Variants in LIFR observed in about 807,000 individuals in gnomAD.
LIFR encodes the protein LIF receptor subunit alpha.
Under a neutral mutation model 122.2 loss-of-function variants are expected in LIFR, and 84 were observed. The ratio of observed to expected loss-of-function variants is 0.69; its 90% CI spans 0.58 to 0.82. LIFR has a LOEUF of 0.82. Ranked by LOEUF, LIFR falls within the 40% of genes least tolerant of loss-of-function variation. The pLI, the probability that LIFR is intolerant of heterozygous loss-of-function variation, is 0.00. For synonymous variants in LIFR, 422 were observed against 434.7 expected (o/e 0.97, Z 0.36); for missense variants, 1,294 against 1,311.6 (o/e 0.99, Z 0.21).
At chr5:38,544,569 T>G (rs1747770596) in intron 1 of LIFR, among the ~76,000 whole-genome samples, 1 of 152,174 alleles carries the variant, frequency 6.6e-6, no homozygotes, top group Non-Finnish European at 1.5e-5. Context: ...ATTCCCTGCT[T>G]GCCTCCCTCC....
At chr5:38,532,113 A>T (rs1451477950) in intron 1 of LIFR, among the ~76,000 whole-genome samples, 1 of 152,226 alleles carries the variant, frequency 6.6e-6, no homozygotes, top group Non-Finnish European at 1.5e-5. Flanking sequence ...TGACTAAAAT[A>T]ATCATAAACC....
chr5:38,520,329 T>A (rs1206168077), intron 5 of LIFR, among the ~76,000 whole-genome samples: 1 of 152,186 alleles, frequency 6.6e-6, no homozygotes, highest in African/African-American at 2.4e-5. Context: ...TTTTTAATTG[T>A]TGAGTTGTTT....
chr5:38,481,475 G>A lies in LIFR; in HGVS notation c.*120C>T. The A allele has an allele frequency of 9.1e-7, 1 of 1,093,348 alleles. No homozygotes were observed. The highest frequency in any genetic ancestry group is 1.4e-6 in the Non-Finnish European group (1 of 709,408). 67.7% of individuals were successfully genotyped at this position (1,093,348 alleles called of 1,614,324 possible). A position where few individuals can be genotyped will look rare whatever the true frequency, so the allele number is the denominator to read the frequency against. On this transcript the variant is annotated 3_prime_UTR_variant, in exon 20 of 20. Transcript: ENST00000453190. Reference sequence around the variant, plus strand: ...CACTTTCAGTGTAACTTAACATGTAGTGAAGTTCACCTCCTAACAATACTT... The same window carrying A: ...CACTTTCAGTGTAACTTAACATGTAATGAAGTTCACCTCCTAACAATACTT...
chr5:38,590,941 A>G (rs1373216484), intron 1 of LIFR, among the ~76,000 whole-genome samples: 1 of 152,214 alleles, frequency 6.6e-6, no homozygotes, highest in East Asian at 1.9e-4. Flanking sequence ...AATGTTGAGA[A>G]AAAGTTGACA....
rs368886180 is a variant in LIFR at position 38,492,420 on chromosome 5, C to G, written c.2065+1186G>C. On this transcript the variant is annotated intron_variant, in intron 14 of 19. Transcript: ENST00000453190. Reference sequence around the variant, plus strand: ...TTCTAAAAGCTCAGGTGAGAAAGGACAGACTGGAATCGTGTAAGGCTCATT... The same window carrying G: ...TTCTAAAAGCTCAGGTGAGAAAGGAGAGACTGGAATCGTGTAAGGCTCATT... 1.2e-4 allele frequency among the ~76,000 whole-genome samples: 19 copies of G among 152,208 alleles called. No homozygotes were observed. The South Asian group carries it at 4.0e-3, about 32-fold the overall frequency.
At chr5:38,575,639 A>C (rs2112725901) in intron 1 of LIFR, among the ~76,000 whole-genome samples, 1 of 152,312 alleles carries the variant, frequency 6.6e-6, no homozygotes, top group African/African-American at 2.4e-5. Flanking sequence ...GGCTGTGCTG[A>C]GTCCATGGGC....
intron 14 of LIFR, among the ~76,000 whole-genome samples, chr5:38,493,073 G>A (rs758931915): frequency 2.0e-5 from 3 of 152,120 alleles, no homozygotes; most frequent in Admixed American, 6.5e-5. Context: ...CAGTCCAGCC[G>A]ATGCCCCCTT....
chr5:38,573,508 T>G (rs1202868169), intron 1 of LIFR, among the ~76,000 whole-genome samples: 2 of 152,174 alleles, frequency 1.3e-5, no homozygotes, highest in Non-Finnish European at 2.9e-5. Flanking sequence ...AGAATGAAAA[T>G]CTACTGAAAG....
rs745787081 is a variant in LIFR, at chr5:38,485,909, C to G, written c.2407G>C (p.Gly803Arg). Residue 803 changes from glycine to arginine, a missense_variant, in exon 17 of 20, where the codon GGT (glycine) becomes CGT (arginine). By Grantham distance (125) the Gly-to-Arg change is moderately radical. Coordinates refer to ENST00000453190, the MANE Select transcript of LIFR (RefSeq NM_001127671.2). The part of the protein sequence containing the change: ...QKTLRIADLQ[G>R]KTSYHLVLRA... ...AAGACCAGGTGGTAACTTGTTTTAC[C>G]TTGAAGATCAGCAATTCTCAGTGTC... 6.2e-7 allele frequency: 1 copy of G among 1,614,066 alleles called. No homozygotes were observed. The highest frequency in any genetic ancestry group is 2.2e-5 in the East Asian group (1 of 44,882).
intron 2 of LIFR, 45 bp downstream of exon 2, chr5:38,530,461 A>C (rs1365612848): frequency 6.4e-7 from 1 of 1,563,162 alleles, no homozygotes; most frequent in African/African-American, 1.4e-5. Context: ...CAAAATGGAA[A>C]TAAAACTGCA....
At chr5:38,600,816 C>G (rs1750209212) in intron 2 of LIFR, among the ~76,000 whole-genome samples, 1 of 152,166 alleles carries the variant, frequency 6.6e-6, no homozygotes, top group Non-Finnish European at 1.5e-5. Context: ...GACTCAAGCC[C>G]TGATGTCTTT....
chr5:38,485,977 C>T lies in LIFR; in HGVS notation c.2339G>A (p.Arg780His), dbSNP rs1359734484. 3.1e-6 allele frequency: 5 copies of T among 1,611,060 alleles called. No homozygotes were observed. Among genetic ancestry groups the T allele is most frequent in the East Asian group, 2.2e-5 (1 of 44,872 alleles). Residue 780 changes from arginine (R) to histidine (H), a missense_variant, in exon 17 of 20, where the codon CGT (arginine) becomes CAT (histidine). Arg to His is a conservative substitution (Grantham distance 29). Coordinates refer to ENST00000453190, the MANE Select transcript of LIFR (RefSeq NM_001127671.2). ...TSKMRVLESG[R>H]SDIKVKNITD... ...AATATTCTTAACTTTTATGTCAGAA[C>T]GACCTATTTTTAAAATGAAGTATGT...
intron 9 of LIFR, among the ~76,000 whole-genome samples, chr5:38,504,423 A>AAAAAAAG (rs1554020948): frequency 3.3e-5 from 5 of 151,496 alleles, no homozygotes; most frequent in Admixed American, 2.0e-4. Flanking sequence ...ACCAAAAAAA[A>AAAAAAAG]AAAAGAAAAG....
chr5:38,578,891 AT>A (rs1428375890), intron 1 of LIFR, among the ~76,000 whole-genome samples: 2 of 151,866 alleles, frequency 1.3e-5, no homozygotes, highest in East Asian at 3.9e-4. Flanking sequence ...TTTCATATAT[AT>A]TTTTTTTAGT....
chr5:38,542,222 T>C (rs1747629477), intron 1 of LIFR, among the ~76,000 whole-genome samples: 1 of 152,200 alleles, frequency 6.6e-6, no homozygotes, highest in Admixed American at 6.5e-5. Flanking sequence ...ATAGAAGAAG[T>C]ACCCACATGT....
At chr5:38,594,549 G>A (rs1479232391) in intron 1 of LIFR, among the ~76,000 whole-genome samples, 1 of 152,114 alleles carries the variant, frequency 6.6e-6, no homozygotes, top group East Asian at 1.9e-4. Flanking sequence ...GAGTGGGGTG[G>A]ACAGGGTGGG....
At chr5:38,517,856 C>CAAAAAAAAAAAAAAA (rs572954936) in intron 5 of LIFR, among the ~76,000 whole-genome samples, 311 of 15,010 alleles carry the variant, frequency 0.021, 59 homozygotes, top group African/African-American at 0.036. Context: ...GACACTGTCT[C>CAAAAAAAAAAAAAAA]AAAAAAAAAA....
chr5:38,544,848 G>A (rs1375826933), intron 1 of LIFR, among the ~76,000 whole-genome samples: 10 of 152,038 alleles, frequency 6.6e-5, no homozygotes. Flanking sequence ...GCCCCCAAGA[G>A]CTAGAAAAAC....
rs866834963 is a variant in LIFR at position 38,481,891 on chromosome 5, C to T, written c.2998G>A (p.Gly1000Ser). 1 of 1,614,100 alleles carries T rather than the reference C, an allele frequency of 6.2e-7. No individual in the cohort carries two copies. The highest frequency in any genetic ancestry group is 8.5e-7 in the Non-Finnish European group (1 of 1,180,008). Residue 1000 changes from glycine to serine, a missense_variant, in exon 20 of 20, where the codon GGC (glycine) becomes AGC (serine). By Grantham distance (56) the Gly-to-Ser change is moderately conservative (BLOSUM62 0). Coordinates refer to ENST00000453190, the MANE Select transcript of LIFR (RefSeq NM_001127671.2). ...GGGAGGTGCATCTGTGGCTTATAGC[C>T]TGCCCCTCCTACAGGGTCATTTTCT... ...EQENDPVGGAGYKPQMHLPIN... is the reference protein window; with the variant it reads ...EQENDPVGGASYKPQMHLPIN...
Sources: allele counts gnomAD v4.1 joint callset (sites outside exome capture counted in the v4.1 genomes callset), GRCh38; gene constraint gnomAD v4.1.1; transcripts MANE v1.5; gene names NCBI Gene and HGNC (gene_info 2026-07-23, HGNC 2026-07-21).